LPP: variants seen among roughly 807,000 people sequenced by gnomAD.
LPP encodes the protein lipoma-preferred partner.
In LPP, 38 loss-of-function variants were observed where a neutral mutation model predicts 60.4. The ratio of observed to expected loss-of-function variants is 0.63; its 90% CI spans 0.49 to 0.83. The LOEUF (loss-of-function observed/expected upper bound fraction) is 0.83. Among genes scored for constraint, LPP ranks in the 40% least tolerant of loss-of-function variants. The pLI, the probability that LPP is intolerant of heterozygous loss-of-function variation, is 0.00. For missense variants in LPP, 902 were observed against 783.6 expected (o/e 1.15, Z -1.80); for synonymous variants, 328 against 290.8 (o/e 1.13, Z -1.30).
chr3:188,274,360 A>G (rs1167540333), intron 2 of LPP, among the ~76,000 whole-genome samples: 2 of 152,232 alleles, frequency 1.3e-5, no homozygotes, highest in Admixed American at 6.5e-5. Context: ...AGTCCTGTCA[A>G]ATAGTCCCAG....
chr3:188,263,589 T>C (rs1734435803), intron 2 of LPP, among the ~76,000 whole-genome samples: 1 of 152,218 alleles, frequency 6.6e-6, no homozygotes, highest in African/African-American at 2.4e-5. Context: ...GGGAGGTTGC[T>C]GCACCTCCCT....
chr3:188,802,193 T>G (rs985586295), intron 9 of LPP, among the ~76,000 whole-genome samples: 1 of 152,206 alleles, frequency 6.6e-6, no homozygotes, highest in African/African-American at 2.4e-5. Context: ...AATGCTTAGT[T>G]CTGTGTTACT....
At chr3:188,212,759 T>G (rs1216211296) in intron 1 of LPP, 1 of 151,984 alleles carries the variant, frequency 6.6e-6, no homozygotes. Flanking sequence ...CTGTGTCCCG[T>G]AGTGGACTGA....
chr3:188,240,476 G>C (rs1723934002), intron 2 of LPP, among the ~76,000 whole-genome samples: 1 of 152,148 alleles, frequency 6.6e-6, no homozygotes, highest in African/African-American at 2.4e-5. Flanking sequence ...GAATTTCTGA[G>C]TTGGAAGGAA....
chr3:188,338,159 G>A (rs1319189046), intron 2 of LPP, among the ~76,000 whole-genome samples: 2 of 152,198 alleles, frequency 1.3e-5, no homozygotes, highest in African/African-American at 4.8e-5. Flanking sequence ...GACAGGTGTG[G>A]AAATTAAAAT....
At chr3:188,624,339 G>A (rs1370261472) in intron 7 of LPP, among the ~76,000 whole-genome samples, 1 of 152,166 alleles carries the variant, frequency 6.6e-6, no homozygotes, top group Admixed American at 6.5e-5. Flanking sequence ...TTTATATCTG[G>A]AGTTTAGAGG....
intron 9 of LPP, among the ~76,000 whole-genome samples, chr3:188,813,610 A>G (rs542365939): frequency 1.1e-4 from 17 of 152,256 alleles, no homozygotes; most frequent in Non-Finnish European, 2.2e-4. Context: ...TAGTTGCATT[A>G]CTCAGTTATT....
At chr3:188,269,645 A>AATATGTGTGTG (rs1553845284) in intron 2 of LPP, among the ~76,000 whole-genome samples, 5 of 136,516 alleles carry the variant, frequency 3.7e-5, no homozygotes, top group South Asian at 2.4e-4. Context: ...CTTTTTTTTT[A>AATATGTGTGTG]TGTGTGTGTG....
In LPP at chr3:188,278,312, A is replaced by G. The variant is rs566202664; in HGVS notation, c.-67+52785A>G. On this transcript the variant is annotated intron_variant, in intron 2 of 11. Coordinates refer to ENST00000617246, the MANE Select transcript of LPP (RefSeq NM_001375462.1). ...TTTTGATTTTATTTTTACCCTACTC[A>G]CCCCTGATATTCGTCCCCTGGCCTT... Among the ~76,000 whole-genome samples the G allele has an allele frequency of 1.8e-4, 27 of 151,966 alleles. 1 individual carries two copies. The South Asian group carries it at 5.4e-3, about 30-fold the overall frequency.
At position 188,669,436 on chromosome 3, in the gene LPP, C is replaced by T. The variant is rs143478784; in HGVS notation, c.1114-38831C>T. Among the ~76,000 whole-genome samples, 987 of 152,070 alleles carry T rather than the reference C, an allele frequency of 6.5e-3. 7 individuals carry two copies. Among genetic ancestry groups the T allele is most frequent in the South Asian group, 0.013 (62 of 4,808 alleles). ...CTAAAAATACAAAAAATTAGCTGGG[C>T]GTGGTGGCGGGCACCTGTAGTCCGA... On this transcript the variant is annotated intron_variant, in intron 7 of 11. Coordinates refer to ENST00000617246, the MANE Select transcript of LPP (RefSeq NM_001375462.1).
chr3:188,409,256 CT>C (rs1434478542), intron 4 of LPP, among the ~76,000 whole-genome samples: 5 of 152,146 alleles, frequency 3.3e-5, no homozygotes, highest in Non-Finnish European at 7.3e-5. Flanking sequence ...CTCTCTCCCC[CT>C]CTCTCTAAAT....
At chr3:188,665,578 G>A (rs1855614596) in intron 7 of LPP, among the ~76,000 whole-genome samples, 1 of 151,032 alleles carries the variant, frequency 6.6e-6, no homozygotes, top group African/African-American at 2.4e-5. Flanking sequence ...TCCTGCCTCA[G>A]CCTCCCGAGG....
At chr3:188,328,612 A>G (rs572504745) in intron 2 of LPP, among the ~76,000 whole-genome samples, 166 of 152,272 alleles carry the variant, frequency 1.1e-3, no homozygotes, top group Admixed American at 1.4e-3. Context: ...TTCGTCAGTC[A>G]TTGTTTCAAA....
chr3:188,205,704 A>C (rs2149147916), intron 1 of LPP, among the ~76,000 whole-genome samples: 1 of 152,298 alleles, frequency 6.6e-6, no homozygotes, highest in Middle Eastern at 3.4e-3. Flanking sequence ...AAGGAGGTAC[A>C]TGTCAGACCT....
At chr3:188,598,375 T>G (rs1319960522) in intron 6 of LPP, among the ~76,000 whole-genome samples, 1 of 151,950 alleles carries the variant, frequency 6.6e-6, no homozygotes, top group East Asian at 1.9e-4. Flanking sequence ...CACATATACG[T>G]GTGTATGTGT....
At chr3:188,732,180 T>G (rs900104599) in intron 8 of LPP, among the ~76,000 whole-genome samples, 3 of 152,192 alleles carry the variant, frequency 2.0e-5, no homozygotes, top group African/African-American at 7.2e-5. Flanking sequence ...AAGGACATGT[T>G]TGTCAAAGCA....
intron 8 of LPP, among the ~76,000 whole-genome samples, chr3:188,730,588 C>G (rs1211342151): frequency 6.6e-6 from 1 of 152,106 alleles, no homozygotes; most frequent in Non-Finnish European, 1.5e-5. Flanking sequence ...CCCTTTCTTC[C>G]CTTTGTCATT....
At chr3:188,226,325 A>G (rs1717749881) in intron 2 of LPP, among the ~76,000 whole-genome samples, 2 of 152,154 alleles carry the variant, frequency 1.3e-5, no homozygotes, top group South Asian at 4.1e-4. Flanking sequence ...TATTTCTATA[A>G]CAACCCTTTG....
chr3:188,848,597 T>A (rs1452343734), intron 9 of LPP, among the ~76,000 whole-genome samples: 1 of 152,236 alleles, frequency 6.6e-6, no homozygotes, highest in Non-Finnish European at 1.5e-5. Flanking sequence ...ACATTTGGCA[T>A]CATCTAGTCC....
Sources: allele counts gnomAD v4.1 joint callset (sites outside exome capture counted in the v4.1 genomes callset), GRCh38; gene constraint gnomAD v4.1.1; transcripts MANE v1.5; gene names NCBI Gene and HGNC (gene_info 2026-07-23, HGNC 2026-07-21).